GRAMD2B: variants seen among roughly 807,000 people sequenced by gnomAD.
The protein encoded by GRAMD2B is GRAM domain-containing protein 2B.
Under a neutral mutation model 59.2 loss-of-function variants are expected in GRAMD2B, and 41 were observed. That is an observed-to-expected ratio of 0.69 (90% CI 0.54 to 0.90). The LOEUF is 0.90. GRAMD2B is among the 40% of genes least tolerant of loss of function. GRAMD2B has a pLI of 0.00. For missense variants in GRAMD2B, 424 were observed against 500.5 expected (o/e 0.85, Z 1.46); for synonymous variants, 161 against 182.7 (o/e 0.88, Z 0.96).
In GRAMD2B at chr5:126,407,455, C is replaced by A. The variant is rs79497589; in HGVS notation, c.125+35888C>A. Among the ~76,000 whole-genome samples, 126 of 152,152 alleles carry A rather than the reference C, an allele frequency of 8.3e-4. 4 individuals are homozygous for A. The South Asian group carries it at 0.018, about 22-fold the overall frequency. ...CTCTTAATTCCAATGACTCTTACTA[C>A]TTAAGCTAGAGCGTTCGGGGTGGCA... On this transcript the variant is annotated intron_variant, in intron 1 of 8. Coordinates refer to the GRAMD2B transcript ENST00000506445.
At chr5:126,447,352 G>T (rs570557503) in intron 1 of GRAMD2B, among the ~76,000 whole-genome samples, 15 of 152,264 alleles carry the variant, frequency 9.9e-5, no homozygotes, top group Non-Finnish European at 1.0e-4. Context: ...TAGCCAAAAT[G>T]GGCCCTGGGC....
rs1354907023 is a variant in GRAMD2B at position 126,494,111 on chromosome 5, G to C, written c.*1155G>C. The C allele has an allele frequency of 1.3e-5, 2 of 152,584 alleles. No homozygotes were observed. Among genetic ancestry groups the C allele is most frequent in the African/African-American group, 4.8e-5 (2 of 41,428 alleles). The allele number at this position is 152,584 out of a possible 1,614,324, so 9.5% of individuals were successfully genotyped here. A position where few individuals can be genotyped will look rare whatever the true frequency, so the allele number is the denominator to read the frequency against. On this transcript the variant is annotated 3_prime_UTR_variant, in exon 14 of 14. Coordinates refer to ENST00000285689, the MANE Select transcript of GRAMD2B (RefSeq NM_023927.4). ...GTTGGCCTAGTGGACAGCTGTGCCT[G>C]GTGCACCTCTGGCTTTTAATAAATA...
chr5:126,376,881 G>C (rs905566622), intron 1 of GRAMD2B, among the ~76,000 whole-genome samples: 1 of 151,988 alleles, frequency 6.6e-6, no homozygotes, highest in African/African-American at 2.4e-5. Context: ...GTGAGGGGCA[G>C]GCTAAGACAG....
At chr5:126,444,171 A>C (rs1763790686) in intron 1 of GRAMD2B, among the ~76,000 whole-genome samples, 1 of 152,162 alleles carries the variant, frequency 6.6e-6, no homozygotes, top group Non-Finnish European at 1.5e-5. Flanking sequence ...GGTGGAGCAC[A>C]CTGTGGTAGG....
chr5:126,388,644 G>A (rs1248418724), intron 1 of GRAMD2B, among the ~76,000 whole-genome samples: 3 of 149,842 alleles, frequency 2.0e-5, no homozygotes, highest in East Asian at 1.9e-4. Flanking sequence ...AATATAAGAC[G>A]ATCACGTTGT....
chr5:126,462,481 G>A (rs923983430), intron 1 of GRAMD2B: 1 of 982,952 alleles, frequency 1.0e-6, no homozygotes, highest in Admixed American at 6.2e-5. Flanking sequence ...CCTGTGTGAG[G>A]AATTAACTTG....
intron 6 of GRAMD2B, among the ~76,000 whole-genome samples, chr5:126,479,692 T>C (rs1771349893): frequency 6.6e-6 from 1 of 152,228 alleles, no homozygotes; most frequent in Admixed American, 6.5e-5. Context: ...CTTTGGAATA[T>C]AGTACTTGCT....
intron 1 of GRAMD2B, among the ~76,000 whole-genome samples, chr5:126,407,945 AT>A (rs953136582): frequency 2.3e-4 from 35 of 150,604 alleles, no homozygotes; most frequent in African/African-American, 5.1e-4. Context: ...GTATCTTTTT[AT>A]TTTTTTTTAA....
rs141540526 is a variant in GRAMD2B, at chr5:126,454,311, T to C, written c.84-11115T>C. Among the ~76,000 whole-genome samples the C allele has an allele frequency of 5.2e-3, 786 of 152,266 alleles. 10 individuals are homozygous for C. Among genetic ancestry groups the C allele is most frequent in the African/African-American group, 0.018 (761 of 41,546 alleles). Reference sequence around the variant, plus strand: ...TGTCTCAGGAGGATGAATCGCACATTGATGTCCCAGAATCTTGGAGAGGAA... The same window carrying C: ...TGTCTCAGGAGGATGAATCGCACATCGATGTCCCAGAATCTTGGAGAGGAA... On this transcript the variant is annotated intron_variant, in intron 1 of 13. Transcript: ENST00000285689.
rs1255291003 is a variant in GRAMD2B, at chr5:126,423,475, C to A, written c.-132C>A. 22 of 1,451,452 alleles carry A rather than the reference C, an allele frequency of 1.5e-5. No individual in the cohort carries two copies. Among genetic ancestry groups the A allele is most frequent in the East Asian group, 5.8e-5 (2 of 34,638 alleles). The allele number at this position is 1,451,452 out of a possible 1,614,324, so 89.9% of individuals were successfully genotyped here. A position where few individuals can be genotyped will look rare whatever the true frequency, so the allele number is the denominator to read the frequency against. On this transcript the variant is annotated 5_prime_UTR_variant, in exon 1 of 14. Transcript: ENST00000285689. ...AGCTTGGCGCGGCCCGGCCTGGATG[C>A]GCTGGGCGGAGGGTGCAGGGGAGGG...
chr5:126,425,634 C>T (rs762834357), intron 1 of GRAMD2B, among the ~76,000 whole-genome samples: 3 of 152,054 alleles, frequency 2.0e-5, no homozygotes, highest in African/African-American at 4.8e-5. Context: ...AGCATGATGG[C>T]GCACACCTGT....
intron 1 of GRAMD2B, among the ~76,000 whole-genome samples, chr5:126,376,850 T>C (rs1434628611): frequency 6.6e-6 from 1 of 152,076 alleles, no homozygotes; most frequent in Non-Finnish European, 1.5e-5. Context: ...CTATGAACTC[T>C]GCAGAGCTTC....
chr5:126,440,405 T>TA (rs1412223934), intron 1 of GRAMD2B, among the ~76,000 whole-genome samples: 1 of 152,212 alleles, frequency 6.6e-6, no homozygotes, highest in African/African-American at 2.4e-5. Flanking sequence ...CCAAGTCAAA[T>TA]CTGAGTAATA....
intron 1 of GRAMD2B, among the ~76,000 whole-genome samples, chr5:126,413,278 A>G (rs1758976670): frequency 1.3e-5 from 2 of 152,246 alleles, no homozygotes; most frequent in African/African-American, 2.4e-5. Context: ...CTTTTGCTGC[A>G]TCCCAGAGAT....
upstream of GRAMD2B, among the ~76,000 whole-genome samples, chr5:126,421,006 C>T (rs1759672950): frequency 6.6e-6 from 1 of 152,064 alleles, no homozygotes; most frequent in Non-Finnish European, 1.5e-5. Context: ...TTGTATGATT[C>T]CACTAATGTG....
intron 1 of GRAMD2B, among the ~76,000 whole-genome samples, chr5:126,391,097 G>T (rs1178716544): frequency 6.6e-6 from 1 of 151,906 alleles, no homozygotes; most frequent in East Asian, 1.9e-4. Context: ...GGCACCAAAA[G>T]CATGAGTGAC....
intron 1 of GRAMD2B, among the ~76,000 whole-genome samples, chr5:126,361,759 C>T (rs557256432): frequency 6.6e-6 from 1 of 152,092 alleles, no homozygotes; most frequent in African/African-American, 2.4e-5. Context: ...GGGCAGAGGT[C>T]CCATTCTAAC....
intron 5 of GRAMD2B, among the ~76,000 whole-genome samples, chr5:126,476,067 C>T (rs1770533927): frequency 6.6e-6 from 1 of 152,024 alleles, no homozygotes; most frequent in Non-Finnish European, 1.5e-5. Flanking sequence ...GAGATCGTGC[C>T]ACTGCACTCC....
intron 1 of GRAMD2B, among the ~76,000 whole-genome samples, chr5:126,436,199 T>C (rs1561518910): frequency 6.6e-6 from 1 of 152,226 alleles, no homozygotes; most frequent in African/African-American, 2.4e-5. Flanking sequence ...CATTTCAACT[T>C]AATAATTATA....
Sources: gnomAD v4.1 joint callset for allele counts (sites outside exome capture counted in the v4.1 genomes callset) on GRCh38, gnomAD v4.1.1 for gene constraint, MANE v1.5 for transcripts, NCBI Gene and HGNC (gene_info 2026-07-23, HGNC 2026-07-21) for gene names.